SPAG16: variants seen among roughly 807,000 people sequenced by gnomAD.
SPAG16 encodes sperm-associated antigen 16 protein.
Under a neutral mutation model 80.4 loss-of-function variants are expected in SPAG16, and 86 were observed. The observed-to-expected ratio is 1.07, with a 90% CI of 0.90 to 1.28. The LOEUF is 1.28. Ranked by LOEUF, SPAG16 falls within the 50% of genes most tolerant of loss-of-function variation. SPAG16 has a pLI of 0.00. For missense variants in SPAG16, 870 were observed against 765.3 expected, an observed-to-expected ratio of 1.14 and a Z score of -1.61; for synonymous variants, 294 against 265.9, an observed-to-expected ratio of 1.11 and a Z score of -1.03.
chr2:213,628,339 C>A (rs2062030159), intron 10 of SPAG16, among the ~76,000 whole-genome samples: 1 of 152,180 alleles, frequency 6.6e-6, no homozygotes, highest in African/African-American at 2.4e-5. Flanking sequence ...TAGTAAAGCA[C>A]AAAGCAAATT....
intron 12 of SPAG16, among the ~76,000 whole-genome samples, chr2:213,973,056 T>C (rs555045515): frequency 4.6e-5 from 7 of 152,178 alleles, no homozygotes; most frequent in Non-Finnish European, 7.3e-5. Flanking sequence ...TTTTAAGATT[T>C]AGCCAGCCCA....
intron 14 of SPAG16, among the ~76,000 whole-genome samples, chr2:214,111,140 TC>T: frequency 6.6e-6 from 1 of 152,308 alleles, no homozygotes; most frequent in Middle Eastern, 3.4e-3. Flanking sequence ...TTTAATTAGA[TC>T]CCATTTGTCT....
chr2:213,914,297 C>CA (rs901417794), intron 11 of SPAG16, among the ~76,000 whole-genome samples: 73 of 151,922 alleles, frequency 4.8e-4, no homozygotes, highest in Admixed American at 9.2e-4. Context: ...ATGCCTAAAA[C>CA]AAAAAAATTA....
chr2:214,053,539 C>G (rs1436133387), intron 13 of SPAG16, among the ~76,000 whole-genome samples: 8 of 152,124 alleles, frequency 5.3e-5, no homozygotes, highest in African/African-American at 1.9e-4. Context: ...CAAAAGAAAC[C>G]TTTCCCCAGA....
In SPAG16 at chr2:214,006,535, CG is replaced by C. The variant is rs746326351; in HGVS notation, c.1401-7415del. On this transcript the variant is annotated intron_variant, in intron 12 of 15. Transcript: ENST00000331683. ...GAAAGGAAATAAAGGAAAACCAAGA[CG>C]TAAGTTAAGAAAGAGCTATTGCTTG... 3.2e-4 allele frequency among the ~76,000 whole-genome samples: 48 copies of C among 151,966 alleles called. 1 individual carries two copies. Among genetic ancestry groups the C allele is most frequent in the Non-Finnish European group, 5.9e-4 (40 of 67,984 alleles).
intron 11 of SPAG16, among the ~76,000 whole-genome samples, chr2:213,876,213 G>T (rs763387653): frequency 2.0e-5 from 3 of 149,784 alleles, no homozygotes; most frequent in Non-Finnish European, 3.0e-5. Flanking sequence ...TGAAATGTAG[G>T]TACATAACTT....
At chr2:213,531,902 C>T (rs2076082938) in intron 10 of SPAG16, among the ~76,000 whole-genome samples, 1 of 152,084 alleles carries the variant, frequency 6.6e-6, no homozygotes, top group African/African-American at 2.4e-5. Context: ...ATCCCTGTAC[C>T]TCTTTGGGAG....
chr2:213,464,615 T>C (rs1453989701), intron 9 of SPAG16, among the ~76,000 whole-genome samples: 2 of 152,242 alleles, frequency 1.3e-5, no homozygotes, highest in Non-Finnish European at 2.9e-5. Flanking sequence ...ATCTTTGGAA[T>C]ATGGATGAAA....
intron 11 of SPAG16, among the ~76,000 whole-genome samples, chr2:213,892,959 T>C (rs747764152): frequency 3.9e-4 from 59 of 152,072 alleles, no homozygotes; most frequent in Non-Finnish European, 6.5e-4. Context: ...CAAGCACACA[T>C]AGGCGAACAA....
chr2:214,037,189 TA>T (rs1242154380), intron 13 of SPAG16, among the ~76,000 whole-genome samples: 2 of 151,380 alleles, frequency 1.3e-5, no homozygotes, highest in Non-Finnish European at 3.0e-5. Flanking sequence ...GATTCTCATA[TA>T]AATAGAGATA....
At chr2:214,319,674 A>G (rs1695964871) in intron 15 of SPAG16, among the ~76,000 whole-genome samples, 1 of 152,160 alleles carries the variant, frequency 6.6e-6, no homozygotes. Flanking sequence ...TCCTGACCAC[A>G]ATATTTTCTT....
chr2:213,288,496 A>G (rs999729087), intron 1 of SPAG16, among the ~76,000 whole-genome samples: 1 of 149,120 alleles, frequency 6.7e-6, no homozygotes, highest in Middle Eastern at 3.2e-3. Flanking sequence ...TATTTTCAGT[A>G]GAGACGGGGT....
intron 5 of SPAG16, among the ~76,000 whole-genome samples, chr2:213,335,309 T>C (rs1029574319): frequency 4.6e-5 from 7 of 152,200 alleles, no homozygotes; most frequent in Non-Finnish European, 8.8e-5. Context: ...TGGACATGTA[T>C]TCCTATTTTA....
chr2:213,828,166 T>C (rs1390261250), intron 10 of SPAG16, among the ~76,000 whole-genome samples: 2 of 152,180 alleles, frequency 1.3e-5, no homozygotes. Flanking sequence ...TTTGCCCTTT[T>C]GAGCCTATTT....
At chr2:213,904,613 A>AC (rs1559570901) in intron 11 of SPAG16, among the ~76,000 whole-genome samples, 1 of 151,722 alleles carries the variant, frequency 6.6e-6, no homozygotes, top group African/African-American at 2.4e-5. Flanking sequence ...AAAAAAAAAA[A>AC]AAAAAAAACA....
chr2:213,980,725 T>TATAGAGAGAGAGAGAGAGAG (rs374274176), intron 12 of SPAG16, among the ~76,000 whole-genome samples: 23 of 103,988 alleles, frequency 2.2e-4, no homozygotes, highest in African/African-American at 1.1e-3. Flanking sequence ...TATATATATA[T>TATAGAGAGAGAGAGAGAGAG]AGAGAGAGAG....
At chr2:213,500,180 A>G (rs1003521788) in intron 10 of SPAG16, among the ~76,000 whole-genome samples, 2 of 152,192 alleles carry the variant, frequency 1.3e-5, no homozygotes, top group African/African-American at 4.8e-5. Context: ...TTTCATGGGG[A>G]AACTCAGTAA....
At chr2:213,921,261 A>G (rs12472276) in intron 11 of SPAG16, among the ~76,000 whole-genome samples, 36,691 of 152,188 alleles carry the variant, frequency 0.24, 5,000 homozygotes, top group South Asian at 0.37. Flanking sequence ...TTGCCATTAT[A>G]TAGTGCTCTT....
rs752546147 is a variant in SPAG16 at position 213,284,509 on chromosome 2, G to C, written c.26G>C (p.Ser9Thr). MAAQRGMP[S>T]SAVRVLEEAL... ...ATGGCTGCTCAGCGAGGGATGCCCA[G>C]CTCCGCCGTGAGGGTCCTGGAAGAG... Residue 9 changes from serine to threonine, a missense_variant, in exon 1 of 16, where the codon AGC becomes ACC. Transcript: ENST00000331683. 2 of 1,579,016 alleles carry C rather than the reference G, an allele frequency of 1.3e-6. No homozygotes were observed. Among genetic ancestry groups the C allele is most frequent in the Non-Finnish European group, 1.7e-6 (2 of 1,162,800 alleles).
Sources: gnomAD v4.1 joint callset for allele counts (sites outside exome capture counted in the v4.1 genomes callset) on GRCh38, gnomAD v4.1.1 for gene constraint, MANE v1.5 for transcripts, NCBI Gene and HGNC (gene_info 2026-07-23, HGNC 2026-07-21) for gene names.